PHACTR3: variants seen among roughly 807,000 people sequenced by gnomAD.
PHACTR3 encodes the protein phosphatase and actin regulator 3.
A neutral mutation model predicts 66.8 loss-of-function variants in PHACTR3; 16 were observed. The ratio of observed to expected loss-of-function variants is 0.24; its 90% CI spans 0.16 to 0.36. The LOEUF is 0.36. Among genes scored for constraint, PHACTR3 ranks in the 10% least tolerant of loss-of-function variants. The pLI is 1.00. For synonymous variants in PHACTR3, 323 were observed against 292.1 expected (o/e 1.11, Z -1.08); for missense variants, 647 against 719.9 (o/e 0.90, Z 1.16).
chr20:59,834,196 C>A (rs767519663), intron 8 of PHACTR3, among the ~76,000 whole-genome samples: 8 of 152,284 alleles, frequency 5.3e-5, no homozygotes, highest in Admixed American at 2.6e-4. Context: ...TGCTGGGCTT[C>A]AGGGATTTTT....
At chr20:59,827,712 T>C (rs2042234649) in intron 8 of PHACTR3, among the ~76,000 whole-genome samples, 2 of 151,988 alleles carry the variant, frequency 1.3e-5, no homozygotes, top group African/African-American at 4.8e-5. Flanking sequence ...CCAGGGGACA[T>C]ATTTCTCCTG....
intron 7 of PHACTR3, among the ~76,000 whole-genome samples, chr20:59,783,441 C>T (rs994415505): frequency 7.4e-5 from 11 of 148,462 alleles, no homozygotes; most frequent in East Asian, 2.0e-4. Context: ...CGCCCCACCC[C>T]GGCCCTTTTT....
chr20:59,630,558 G>C (rs2034625094), intron 1 of PHACTR3, among the ~76,000 whole-genome samples: 1 of 152,190 alleles, frequency 6.6e-6, no homozygotes. Context: ...ACTTTCTTAA[G>C]AAAACATTAT....
intron 8 of PHACTR3, among the ~76,000 whole-genome samples, chr20:59,825,161 C>A (rs1054766490): frequency 1.3e-5 from 2 of 152,210 alleles, no homozygotes; most frequent in Non-Finnish European, 1.5e-5. Flanking sequence ...GAGTCCCTAA[C>A]TGGCCAGCTT....
chr20:59,813,341 G>A (rs919812809), intron 8 of PHACTR3, among the ~76,000 whole-genome samples: 1 of 152,166 alleles, frequency 6.6e-6, no homozygotes, highest in African/African-American at 2.4e-5. Context: ...TGCAAAGTTT[G>A]CCTTCTGCCT....
chr20:59,729,265 A>G (rs943158645), intron 1 of PHACTR3, among the ~76,000 whole-genome samples: 1 of 152,136 alleles, frequency 6.6e-6, no homozygotes, highest in Non-Finnish European at 1.5e-5. Flanking sequence ...CGGATGTAGC[A>G]AAGTCACATT....
chr20:59,807,842 T>C (rs551147133), intron 8 of PHACTR3, among the ~76,000 whole-genome samples: 1 of 152,230 alleles, frequency 6.6e-6, no homozygotes, highest in Non-Finnish European at 1.5e-5. Context: ...TGTGCATATA[T>C]ACACATACAG....
At chr20:59,774,566 C>T (rs528918380) in intron 7 of PHACTR3, 76 bp downstream of exon 7, 93 of 1,536,752 alleles carry the variant, frequency 6.1e-5, no homozygotes, top group Non-Finnish European at 7.8e-5. Context: ...GAGGACAGAG[C>T]TCGTGCCTGG....
At chr20:59,807,109 C>T (rs896102342) in intron 8 of PHACTR3, among the ~76,000 whole-genome samples, 36 of 152,150 alleles carry the variant, frequency 2.4e-4, no homozygotes, top group African/African-American at 8.0e-4. Context: ...ACTTAGGCTA[C>T]GCTAAATTTA....
chr20:59,754,737 G>A (rs2039722724), intron 3 of PHACTR3, among the ~76,000 whole-genome samples: 1 of 152,238 alleles, frequency 6.6e-6, no homozygotes, highest in African/African-American at 2.4e-5. Context: ...ATGTCTTCAG[G>A]ACAAAGGTCC....
chr20:59,748,169 A>AT (rs963464800), intron 3 of PHACTR3, among the ~76,000 whole-genome samples: 10 of 151,508 alleles, frequency 6.6e-5, no homozygotes, highest in African/African-American at 1.7e-4. Context: ...TTCAGCATTA[A>AT]TTTTTTTTTC....
At chr20:59,729,423 G>A (rs1020793955) in intron 1 of PHACTR3, among the ~76,000 whole-genome samples, 2 of 152,098 alleles carry the variant, frequency 1.3e-5, no homozygotes, top group African/African-American at 4.8e-5. Context: ...CAGAGTGAGG[G>A]GGCAGTGGGC....
intron 1 of PHACTR3, among the ~76,000 whole-genome samples, chr20:59,642,108 C>T (rs529768430): frequency 7.9e-5 from 12 of 151,988 alleles, no homozygotes; most frequent in African/African-American, 2.4e-4. Context: ...CGTGGAGGTC[C>T]GGATGTAGAG....
At chr20:59,808,515 G>A (rs2041636464) in intron 8 of PHACTR3, among the ~76,000 whole-genome samples, 1 of 152,296 alleles carries the variant, frequency 6.6e-6, no homozygotes, top group Middle Eastern at 3.4e-3. Context: ...ACAGTGCCCT[G>A]GACAGCCCCT....
intron 7 of PHACTR3, among the ~76,000 whole-genome samples, chr20:59,792,451 G>C (rs1176863882): frequency 6.6e-6 from 1 of 152,194 alleles, no homozygotes; most frequent in Admixed American, 6.5e-5. Context: ...AGGTATTAGA[G>C]TTTCAGTTCC....
intron 1 of PHACTR3, among the ~76,000 whole-genome samples, chr20:59,663,288 G>A (rs752459075): frequency 4.3e-4 from 65 of 152,278 alleles, no homozygotes; most frequent in Middle Eastern, 3.4e-3. Context: ...TCTTGGCAGG[G>A]GAACTATTCA....
rs2038958474 is a variant in PHACTR3, at chr20:59,736,683, G to T, written c.119-6424G>T. ...CACCGTGCCGTGGATGACCACACCT[G>T]CCCCGCTGTACACCTGCAGTGATGG... On this transcript the variant is annotated intron_variant, in intron 1 of 12. Coordinates refer to ENST00000371015, the MANE Select transcript of PHACTR3 (RefSeq NM_080672.5). This position sits in a 1 kb window ranked among gnomAD's most constrained non-coding sequence, Gnocchi z 4.6. Among the ~76,000 whole-genome samples, 1 of 152,174 alleles carries T rather than the reference G, an allele frequency of 6.6e-6. No individual in the cohort carries two copies. Among genetic ancestry groups the T allele is most frequent in the African/African-American group, 2.4e-5 (1 of 41,454 alleles).
chr20:59,724,710 T>C (rs1160207600), intron 1 of PHACTR3, among the ~76,000 whole-genome samples: 1 of 152,224 alleles, frequency 6.6e-6, no homozygotes, highest in East Asian at 1.9e-4. Flanking sequence ...TTGAGGCATC[T>C]CTTTCAGGAA....
Position 59,631,234 on chromosome 20 carries a change from G to A in PHACTR3, c.118+26102G>A, listed in dbSNP as rs145162312. Among the ~76,000 whole-genome samples, 295 of 152,310 alleles carry A rather than the reference G, an allele frequency of 1.9e-3. 2 individuals carry two copies. Among genetic ancestry groups the A allele is most frequent in the African/African-American group, 6.8e-3 (283 of 41,564 alleles). ...AAGGTCCTTGGATAAAGTCTGGTCCGGTGCCTCTGAAACTTCTATGTGCAT... is the reference window on the plus strand; with the variant it reads ...AAGGTCCTTGGATAAAGTCTGGTCCAGTGCCTCTGAAACTTCTATGTGCAT... On this transcript the variant is annotated intron_variant, in intron 1 of 12. Transcript: ENST00000371015.
Sources: allele counts gnomAD v4.1 joint callset (sites outside exome capture counted in the v4.1 genomes callset), GRCh38; gene constraint gnomAD v4.1.1; non-coding constraint Gnocchi (gnomAD v3.1); transcripts MANE v1.5; gene names NCBI Gene and HGNC (gene_info 2026-07-23, HGNC 2026-07-21).